Variants in PCOLCE2 observed in about 807,000 individuals in gnomAD.
PCOLCE2 encodes procollagen C-proteinase enhancer 2.
In PCOLCE2, 42 loss-of-function variants were observed where a neutral mutation model predicts 47.0. That is an observed-to-expected ratio of 0.89 (90% CI 0.70 to 1.16). The LOEUF (loss-of-function observed/expected upper bound fraction) is 1.16. PCOLCE2 is among the 50% of genes most tolerant of loss of function. The probability of loss-of-function intolerance (pLI) is 0.00; values close to 1 mark genes in which losing one functional copy is unlikely to be tolerated. For missense variants in PCOLCE2, 500 were observed against 526.1 expected, an observed-to-expected ratio of 0.95 and a Z score of 0.49; for synonymous variants, 169 against 191.7, an observed-to-expected ratio of 0.88 and a Z score of 0.98.
chr3:142,827,233 T>G, intron 6 of PCOLCE2: 1 of 1,215,248 alleles, frequency 8.2e-7, no homozygotes, highest in African/African-American at 1.5e-5. Flanking sequence ...GGTTGCCACC[T>G]CCAAAAGGAT....
chr3:142,880,945 T>C (rs1933600933), intron 2 of PCOLCE2, among the ~76,000 whole-genome samples: 4 of 152,238 alleles, frequency 2.6e-5, no homozygotes. Context: ...TCTTAAGATC[T>C]TCAATAATTT....
intron 5 of PCOLCE2, among the ~76,000 whole-genome samples, chr3:142,834,108 T>G (rs751577018): frequency 2.1e-4 from 32 of 152,222 alleles, no homozygotes; most frequent in Non-Finnish European, 4.1e-4. Flanking sequence ...TGCAGATACA[T>G]GTGGATATGT....
chr3:142,849,002 G>A (rs1937361491), intron 2 of PCOLCE2, among the ~76,000 whole-genome samples: 1 of 151,848 alleles, frequency 6.6e-6, no homozygotes, highest in Non-Finnish European at 1.5e-5. Flanking sequence ...AAATACAAAA[G>A]ATTAGCCGGG....
In PCOLCE2 at chr3:142,868,000, T is replaced by C. The variant is rs551958753; in HGVS notation, c.193-19528A>G. 4.6e-5 allele frequency among the ~76,000 whole-genome samples: 7 copies of C among 152,292 alleles called. No homozygotes were observed. In the South Asian group the frequency reaches 1.4e-3, roughly 32 times the overall value. ...GTAAAACTCAGAAATGAAATGGTTATAAACTCTTCCCAAATAAACATGTTA... is the reference window on the plus strand; with the variant it reads ...GTAAAACTCAGAAATGAAATGGTTACAAACTCTTCCCAAATAAACATGTTA... On this transcript the variant is annotated intron_variant, in intron 2 of 8. Transcript: ENST00000295992.
intron 2 of PCOLCE2, among the ~76,000 whole-genome samples, chr3:142,878,706 T>C (rs1334247324): frequency 6.6e-6 from 1 of 152,062 alleles, no homozygotes; most frequent in Non-Finnish European, 1.5e-5. Context: ...AATACAAAAA[T>C]TATCCAGGCG....
At chr3:142,876,273 A>C (rs553805767) in intron 2 of PCOLCE2, among the ~76,000 whole-genome samples, 33 of 152,318 alleles carry the variant, frequency 2.2e-4, no homozygotes, top group Admixed American at 9.8e-4. Flanking sequence ...ATGAAGAAAT[A>C]ATATTTTTTG....
intron 6 of PCOLCE2, among the ~76,000 whole-genome samples, chr3:142,824,023 G>A (rs1341331688): frequency 2.6e-5 from 4 of 152,316 alleles, no homozygotes; most frequent in Admixed American, 6.5e-5. Flanking sequence ...GTGTTCCCCT[G>A]AGGACATCCT....
chr3:142,831,305 C>T (rs899125955), intron 5 of PCOLCE2, among the ~76,000 whole-genome samples: 3 of 152,140 alleles, frequency 2.0e-5, no homozygotes, highest in South Asian at 2.1e-4. Flanking sequence ...CTTTATAAGA[C>T]GAGAGACCTG....
At chr3:142,886,638 C>T (rs1692093607) in intron 2 of PCOLCE2, among the ~76,000 whole-genome samples, 1 of 152,142 alleles carries the variant, frequency 6.6e-6, no homozygotes, top group African/African-American at 2.4e-5. Flanking sequence ...AGTGGGAATA[C>T]CTTATTGCAA....
intron 7 of PCOLCE2, among the ~76,000 whole-genome samples, chr3:142,821,593 G>A (rs189452952): frequency 6.6e-6 from 1 of 151,834 alleles, no homozygotes; most frequent in East Asian, 1.9e-4. Context: ...CTAATTATCA[G>A]GAAAGCTCTG....
intron 2 of PCOLCE2, among the ~76,000 whole-genome samples, chr3:142,874,468 T>C (rs562446140): frequency 6.6e-6 from 1 of 152,322 alleles, no homozygotes; most frequent in African/African-American, 2.4e-5. Context: ...TGATTGTAAG[T>C]TTCCTGACAC....
chr3:142,870,706 A>ATGTTTTTTTTTT (rs1382650195), intron 2 of PCOLCE2, among the ~76,000 whole-genome samples: 1 of 135,386 alleles, frequency 7.4e-6, no homozygotes, highest in African/African-American at 2.8e-5. Context: ...GAATGAGGCA[A>ATGTTTTTTTTTT]TTTTTTTTTT....
At chr3:142,866,944 C>T (rs896503178) in intron 2 of PCOLCE2, among the ~76,000 whole-genome samples, 1 of 152,178 alleles carries the variant, frequency 6.6e-6, no homozygotes, top group Non-Finnish European at 1.5e-5. Context: ...TTTGTTGCCG[C>T]GTGTGCAGGT....
intron 2 of PCOLCE2, among the ~76,000 whole-genome samples, chr3:142,871,926 C>A (rs1385464798): frequency 3.9e-5 from 6 of 152,106 alleles, no homozygotes; most frequent in Admixed American, 3.9e-4. Context: ...AACCCTGATA[C>A]AGCCTCCCTG....
chr3:142,826,157 A>T (rs1361903121), intron 6 of PCOLCE2, among the ~76,000 whole-genome samples: 4 of 151,900 alleles, frequency 2.6e-5, no homozygotes, highest in Non-Finnish European at 4.4e-5. Context: ...GGTGCCCACC[A>T]CCACGCCCGG....
intron 4 of PCOLCE2, among the ~76,000 whole-genome samples, chr3:142,841,748 C>T (rs1282554462): frequency 2.0e-5 from 3 of 152,064 alleles, no homozygotes; most frequent in Non-Finnish European, 2.9e-5. Flanking sequence ...AAAAGAAATA[C>T]ATGACAAATG....
intron 3 of PCOLCE2, among the ~76,000 whole-genome samples, chr3:142,844,395 T>A (rs147104447): frequency 6.6e-6 from 1 of 152,234 alleles, no homozygotes; most frequent in Non-Finnish European, 1.5e-5. Context: ...TGTTTGTACA[T>A]GTATCTTCAT....
At chr3:142,824,296 C>T (rs1379794060) in intron 6 of PCOLCE2, among the ~76,000 whole-genome samples, 1 of 152,120 alleles carries the variant, frequency 6.6e-6, no homozygotes, top group Admixed American at 6.5e-5. Flanking sequence ...CTGGTTATCA[C>T]AACTAGAGGG....
chr3:142,824,716 T>C (rs1937054502), intron 6 of PCOLCE2, among the ~76,000 whole-genome samples: 1 of 152,232 alleles, frequency 6.6e-6, no homozygotes, highest in Non-Finnish European at 1.5e-5. Flanking sequence ...CTTGGCTCAC[T>C]GCAAGCTCCA....
Sources: allele counts gnomAD v4.1 joint callset (sites outside exome capture counted in the v4.1 genomes callset), GRCh38; gene constraint gnomAD v4.1.1; transcripts MANE v1.5; gene names NCBI Gene and HGNC (gene_info 2026-07-23, HGNC 2026-07-21).